Variants in MINDY4 observed in about 807,000 individuals in gnomAD.
MINDY4 encodes MINDY lysine 48 deubiquitinase 4, also known as probable ubiquitin carboxyl-terminal hydrolase MINDY-4.
Under a neutral mutation model 87.0 loss-of-function variants are expected in MINDY4, and 68 were observed. The ratio of observed to expected loss-of-function variants is 0.78; its 90% CI spans 0.64 to 0.96. The LOEUF (loss-of-function observed/expected upper bound fraction) is 0.96. Among genes scored for constraint, MINDY4 ranks in the 40% least tolerant of loss-of-function variants. The pLI is 0.00. For missense variants in MINDY4, 919 were observed against 928.2 expected (o/e 0.99, Z 0.13); for synonymous variants, 379 against 363.2 (o/e 1.04, Z -0.50).
chr7:30,840,088 G>A (rs906800474), intron 8 of MINDY4, among the ~76,000 whole-genome samples: 3 of 152,102 alleles, frequency 2.0e-5, no homozygotes, highest in Non-Finnish European at 2.9e-5. Context: ...CCAACCTGCC[G>A]TTCAGACAAT....
chr7:30,887,934 G>T (rs1021515641), intron 17 of MINDY4, among the ~76,000 whole-genome samples: 4 of 152,226 alleles, frequency 2.6e-5, no homozygotes, highest in Non-Finnish European at 5.9e-5. Context: ...ATTCCGAATG[G>T]CTGGAGCACG....
At chr7:30,869,078 G>T (rs1474233377) in intron 13 of MINDY4, among the ~76,000 whole-genome samples, 1 of 152,146 alleles carries the variant, frequency 6.6e-6, no homozygotes, top group Non-Finnish European at 1.5e-5. Context: ...TGTGGTTCTG[G>T]GCCCTCCTGG....
At chr7:30,771,636 A>G in intron 1 of MINDY4, 80 bp downstream of exon 1, 1 of 1,407,172 alleles carries the variant, frequency 7.1e-7, no homozygotes, top group Non-Finnish European at 9.7e-7. Flanking sequence ...AAGGCTTTGC[A>G]GCTTCTGGGA....
intron 7 of MINDY4, among the ~76,000 whole-genome samples, chr7:30,838,729 C>T (rs1788936699): frequency 2.0e-5 from 3 of 152,208 alleles, no homozygotes; most frequent in Admixed American, 2.0e-4. Flanking sequence ...CTTAAAACTA[C>T]TGATACTGGA....
intron 7 of MINDY4, among the ~76,000 whole-genome samples, chr7:30,838,123 G>A (rs548905892): frequency 6.6e-6 from 1 of 152,270 alleles, no homozygotes; most frequent in South Asian, 2.1e-4. Context: ...TAAAACCATG[G>A]CAGAGAGAGG....
chr7:30,803,834 A>C (rs1003068330), intron 5 of MINDY4, among the ~76,000 whole-genome samples: 19 of 152,182 alleles, frequency 1.2e-4, no homozygotes, highest in Non-Finnish European at 2.8e-4. Flanking sequence ...TGGATAATGT[A>C]CACTTATGGT....
At chr7:30,823,306 A>G (rs1164400707) in intron 5 of MINDY4, among the ~76,000 whole-genome samples, 4 of 152,220 alleles carry the variant, frequency 2.6e-5, no homozygotes, top group Non-Finnish European at 4.4e-5. Context: ...TTGTATTGGC[A>G]TCTACTGATG....
intron 5 of MINDY4, among the ~76,000 whole-genome samples, chr7:30,824,308 C>T (rs1788431956): frequency 6.6e-6 from 1 of 152,150 alleles, no homozygotes; most frequent in East Asian, 1.9e-4. Flanking sequence ...CAATCCCACT[C>T]CCATAACAAC....
At chr7:30,772,962 T>C (rs1269243203) in intron 1 of MINDY4, among the ~76,000 whole-genome samples, 2 of 152,176 alleles carry the variant, frequency 1.3e-5, no homozygotes, top group Admixed American at 6.5e-5. Flanking sequence ...ATTTCATTTC[T>C]AGCCTCTCCC....
At chr7:30,785,242 G>T (rs1787123749) in intron 3 of MINDY4, among the ~76,000 whole-genome samples, 1 of 145,096 alleles carries the variant, frequency 6.9e-6, no homozygotes, top group African/African-American at 2.6e-5. Flanking sequence ...GTTCTTTCTT[G>T]CTCTCTTACT....
intron 17 of MINDY4, among the ~76,000 whole-genome samples, chr7:30,887,243 T>C (rs956824086): frequency 6.6e-6 from 1 of 152,074 alleles, no homozygotes; most frequent in Non-Finnish European, 1.5e-5. Context: ...CTCTGGGCGC[T>C]GTCACTCCCC....
At chr7:30,778,019 C>T (rs1252484266) in intron 1 of MINDY4, among the ~76,000 whole-genome samples, 1 of 152,222 alleles carries the variant, frequency 6.6e-6, no homozygotes, top group Non-Finnish European at 1.5e-5. Flanking sequence ...TTACAGCCCC[C>T]ACCTGTGATG....
At position 30,892,332 on chromosome 7, in the gene MINDY4, C is replaced by T; in HGVS notation, c.*327C>T. 1 of 345,368 alleles carries T rather than the reference C, an allele frequency of 2.9e-6. No homozygotes were observed. Among genetic ancestry groups the T allele is most frequent in the Non-Finnish European group, 5.3e-6 (1 of 188,218 alleles). 21.4% of individuals were successfully genotyped at this position (345,368 alleles called of 1,614,324 possible). A position where few individuals can be genotyped will look rare whatever the true frequency, so the allele number is the denominator to read the frequency against. On this transcript the variant is annotated 3_prime_UTR_variant, in exon 18 of 18. Coordinates refer to ENST00000265299, the MANE Select transcript of MINDY4 (RefSeq NM_032222.3). ...TCACCCAGGCCTCCAATGTGGTTGGCCCTGGGGACTCATTACTTCTGGTAG... is the reference window on the plus strand; with the variant it reads ...TCACCCAGGCCTCCAATGTGGTTGGTCCTGGGGACTCATTACTTCTGGTAG...
chr7:30,791,121 T>C, intron 4 of MINDY4, 44 bp from the exon 5 acceptor site: 1 of 1,520,996 alleles, frequency 6.6e-7, no homozygotes, highest in Non-Finnish European at 8.9e-7. Flanking sequence ...GTTTTCCAGC[T>C]CCCCTCAAAG....
intron 17 of MINDY4, among the ~76,000 whole-genome samples, chr7:30,888,551 C>T (rs1222684144): frequency 6.6e-6 from 1 of 152,178 alleles, no homozygotes; most frequent in Non-Finnish European, 1.5e-5. Flanking sequence ...TTCATCCCTC[C>T]CCTTTCTGTG....
chr7:30,797,680 C>A (rs1787530697), intron 5 of MINDY4, among the ~76,000 whole-genome samples: 1 of 152,070 alleles, frequency 6.6e-6, no homozygotes, highest in South Asian at 2.1e-4. Flanking sequence ...GATATGGGAG[C>A]CTTTGGAGGT....
chr7:30,808,840 T>C (rs1036514130), intron 5 of MINDY4, among the ~76,000 whole-genome samples: 13 of 150,408 alleles, frequency 8.6e-5, no homozygotes, highest in Non-Finnish European at 1.6e-4. Flanking sequence ...GCACAATGGC[T>C]GAGACAACAG....
At chr7:30,812,415 TAAAAA>T (rs963621357) in intron 5 of MINDY4, among the ~76,000 whole-genome samples, 1 of 151,952 alleles carries the variant, frequency 6.6e-6, no homozygotes, top group African/African-American at 2.4e-5. Context: ...TTTTTCAAAA[TAAAAA>T]AGAGAATTAA....
In MINDY4 at chr7:30,871,543, G is replaced by A. The variant is rs60085383; in HGVS notation, c.1746-700G>A. 4.6e-3 allele frequency among the ~76,000 whole-genome samples: 701 copies of A among 152,294 alleles called. 3 individuals carry two copies. The highest frequency in any genetic ancestry group is 0.016 in the African/African-American group (654 of 41,562). Reference sequence around the variant, plus strand: ...ATACTGAATTGTTCTGGTTCCTAGCGGTGCTCAGCCCATTTCTTTCAGTTT... The same window carrying A: ...ATACTGAATTGTTCTGGTTCCTAGCAGTGCTCAGCCCATTTCTTTCAGTTT... On this transcript the variant is annotated intron_variant, in intron 13 of 17. Transcript: ENST00000265299.
Sources: allele counts gnomAD v4.1 joint callset (sites outside exome capture counted in the v4.1 genomes callset), GRCh38; gene constraint gnomAD v4.1.1; transcripts MANE v1.5; gene names NCBI Gene and HGNC (gene_info 2026-07-23, HGNC 2026-07-21).